The following ENTHD1 variants were observed in gnomAD, a reference collection of about 807,000 sequenced individuals.
The protein encoded by ENTHD1 is ENTH domain containing 1, also known as ENTH domain-containing protein 1.
A neutral mutation model predicts 39.1 loss-of-function variants in ENTHD1; 23 were observed. The observed-to-expected ratio is 0.59, with a 90% confidence interval of 0.42 to 0.83. ENTHD1 has a LOEUF of 0.83. Ranked by LOEUF, ENTHD1 falls within the 40% of genes least tolerant of loss-of-function variation. The pLI, the probability that ENTHD1 is intolerant of heterozygous loss-of-function variation, is 0.00. For synonymous variants in ENTHD1, 230 were observed against 258.2 expected (o/e 0.89, Z 1.05); for missense variants, 624 against 705.4 (o/e 0.88, Z 1.31).
Position 39,743,986 on chromosome 22 carries a change from C to G in ENTHD1, c.1517G>C (p.Ser506Thr). ...NNSDSAKKNI[S>T]HISSSHWGEF... The stretch of plus-strand genomic sequence containing the variant: ...CCCCCAGTGACTACTAGAAATGTGA[C>G]TTATATTCTTTTTAGCAGAATCAGA... The change falls in exon 7 of 7, where the codon AGT (serine) becomes ACT (threonine). Residue 506 changes from serine (S) to threonine (T), a missense_variant. Coordinates refer to ENST00000325157, the MANE Select transcript of ENTHD1 (RefSeq NM_152512.4). 1 of 1,614,122 alleles carries G rather than the reference C, an allele frequency of 6.2e-7. No individual in the cohort carries two copies. Among genetic ancestry groups the G allele is most frequent in the Non-Finnish European group, 8.5e-7 (1 of 1,180,008 alleles).
At chr22:39,842,722 C>T (rs1353744111) in intron 3 of ENTHD1, among the ~76,000 whole-genome samples, 46 of 150,818 alleles carry the variant, frequency 3.1e-4, no homozygotes, top group African/African-American at 1.1e-3. Context: ...TGACAAAGGG[C>T]TAATATCCAG....
At position 39,743,801 on chromosome 22, in the gene ENTHD1, T is replaced by C. The variant is rs1415750895; in HGVS notation, c.1702A>G (p.Thr568Ala). The change falls in exon 7 of 7, where the codon ACA (threonine) becomes GCA (alanine). Residue 568 changes from threonine (T) to alanine (A), a missense_variant. Transcript: ENST00000325157. ...ATGACATTAAGTTCTTGGATCACTG[T>C]GCTCAGATCTTCATGTAATCTAGCG... Reference protein sequence around the residue: ...AIARLHEDLSTVIQELNVINN... With the variant: ...AIARLHEDLSAVIQELNVINN... 6.2e-7 allele frequency: 1 copy of C among 1,614,076 alleles called. No individual in the cohort carries two copies. Among genetic ancestry groups the C allele is most frequent in the Non-Finnish European group, 8.5e-7 (1 of 1,180,020 alleles).
chr22:39,819,319 C>T (rs1386644726), intron 5 of ENTHD1, among the ~76,000 whole-genome samples: 4 of 151,570 alleles, frequency 2.6e-5, no homozygotes, highest in South Asian at 2.1e-4. Flanking sequence ...GAGCCGAGAT[C>T]GCGCCACTGT....
chr22:39,827,562 C>T (rs533711668), intron 4 of ENTHD1, among the ~76,000 whole-genome samples: 2 of 152,092 alleles, frequency 1.3e-5, no homozygotes, highest in Admixed American at 6.5e-5. Flanking sequence ...TAAAAAGAAA[C>T]AAACATGCCC....
At chr22:39,855,909 G>A (rs975521962) in intron 3 of ENTHD1, among the ~76,000 whole-genome samples, 1 of 152,162 alleles carries the variant, frequency 6.6e-6, no homozygotes, top group Admixed American at 6.6e-5. Flanking sequence ...ATAACTTGTG[G>A]ATGCACCTCC....
chr22:39,853,507 G>A (rs1263510023), intron 3 of ENTHD1, among the ~76,000 whole-genome samples: 1 of 152,034 alleles, frequency 6.6e-6, no homozygotes, highest in Non-Finnish European at 1.5e-5. Context: ...CTCTAGCCTG[G>A]GCGACAGAGT....
intron 6 of ENTHD1, among the ~76,000 whole-genome samples, chr22:39,755,236 T>C (rs1246887072): frequency 1.3e-5 from 2 of 152,082 alleles, no homozygotes; most frequent in Non-Finnish European, 2.9e-5. Context: ...AGATAGCATA[T>C]GGTTAGGGGG....
chr22:39,847,837 A>G (rs1200193082), intron 3 of ENTHD1, among the ~76,000 whole-genome samples: 2 of 152,360 alleles, frequency 1.3e-5, no homozygotes, highest in East Asian at 1.9e-4. Flanking sequence ...TAATGATGCT[A>G]TAACAAATTA....
At chr22:39,857,443 CAAAAAAAAA>C (rs71197196) in intron 3 of ENTHD1, among the ~76,000 whole-genome samples, 6 of 24,724 alleles carry the variant, frequency 2.4e-4, no homozygotes, top group African/African-American at 3.7e-4. Context: ...AACTCCGTCT[CAAAAAAAAA>C]AAAAAAAAAA....
At chr22:39,880,673 T>A (rs2066329869) in intron 2 of ENTHD1, among the ~76,000 whole-genome samples, 1 of 152,192 alleles carries the variant, frequency 6.6e-6, no homozygotes, top group Non-Finnish European at 1.5e-5. Flanking sequence ...AAAAACTTTT[T>A]AATAAAAAGG....
chr22:39,795,892 A>T (rs1240893244), intron 5 of ENTHD1, among the ~76,000 whole-genome samples: 1 of 151,886 alleles, frequency 6.6e-6, no homozygotes, highest in Non-Finnish European at 1.5e-5. Context: ...GTGATCTTTT[A>T]TGGTTCTGTG....
intron 4 of ENTHD1, among the ~76,000 whole-genome samples, chr22:39,824,598 C>G (rs2065812479): frequency 6.6e-6 from 1 of 152,258 alleles, no homozygotes; most frequent in East Asian, 1.9e-4. Context: ...GAGTGAATTT[C>G]TATACAAGGT....
At chr22:39,770,213 G>A (rs527575266) in intron 5 of ENTHD1, among the ~76,000 whole-genome samples, 1 of 152,218 alleles carries the variant, frequency 6.6e-6, no homozygotes, top group South Asian at 2.1e-4. Context: ...ACCACATACC[G>A]TGTTCATACT....
At chr22:39,788,146 A>G (rs895364336) in intron 5 of ENTHD1, among the ~76,000 whole-genome samples, 2 of 152,224 alleles carry the variant, frequency 1.3e-5, no homozygotes, top group African/African-American at 4.8e-5. Flanking sequence ...ATTATTTAAG[A>G]AATATATTTT....
At chr22:39,873,002 T>A (rs961700209) in intron 2 of ENTHD1, among the ~76,000 whole-genome samples, 2 of 151,918 alleles carry the variant, frequency 1.3e-5, no homozygotes, top group Non-Finnish European at 2.9e-5. Context: ...TCTTTTTTTT[T>A]AATGTAGAGA....
intron 4 of ENTHD1, among the ~76,000 whole-genome samples, chr22:39,831,200 A>G (rs2065865786): frequency 6.6e-6 from 1 of 152,174 alleles, no homozygotes; most frequent in African/African-American, 2.4e-5. Flanking sequence ...GTGGCTTCTA[A>G]AAGTATTAGA....
intron 5 of ENTHD1, among the ~76,000 whole-genome samples, chr22:39,783,618 G>A (rs546489557): frequency 8.0e-5 from 12 of 150,734 alleles, no homozygotes; most frequent in Admixed American, 2.0e-4. Context: ...CTCATCTTTG[G>A]CTGTAAAAGG....
intron 2 of ENTHD1, among the ~76,000 whole-genome samples, chr22:39,862,594 TC>T (rs1321941341): frequency 6.7e-6 from 1 of 148,346 alleles, no homozygotes; most frequent in Non-Finnish European, 1.5e-5. Flanking sequence ...TTTGCAATAA[TC>T]AAACAATATA....
At chr22:39,893,330 C>T (rs1004122319) in intron 1 of ENTHD1, 1 of 152,144 alleles carries the variant, frequency 6.6e-6, no homozygotes, top group African/African-American at 2.4e-5. Context: ...TTTCTGTGGG[C>T]AGGGCCTTTC....
Sources: allele counts gnomAD v4.1 joint callset (sites outside exome capture counted in the v4.1 genomes callset), GRCh38; gene constraint gnomAD v4.1.1; transcripts MANE v1.5; gene names NCBI Gene and HGNC (gene_info 2026-07-23, HGNC 2026-07-21).